SLCO5A1: variants seen among roughly 807,000 people sequenced by gnomAD.
SLCO5A1 encodes organic anion transporter polypeptide-related protein 4.
SLCO5A1 carries 39 observed loss-of-function variants against 65.1 expected under a neutral mutation model. The observed-to-expected ratio is 0.60, with a 90% CI of 0.46 to 0.78. SLCO5A1 has a LOEUF of 0.78. SLCO5A1 is among the 30% of genes least tolerant of loss of function. The pLI, the probability that SLCO5A1 is intolerant of heterozygous loss-of-function variation, is 0.00. For missense variants in SLCO5A1, 1,029 were observed against 1,069.4 expected (o/e 0.96, Z 0.53); for synonymous variants, 438 against 415.7 (o/e 1.05, Z -0.65).
chr8:69,726,414 C>T (rs1816076999), intron 5 of SLCO5A1, among the ~76,000 whole-genome samples: 1 of 151,974 alleles, frequency 6.6e-6, no homozygotes, highest in Admixed American at 6.6e-5. Flanking sequence ...ATCTCCTAGC[C>T]TCCTTCAGTT....
chr8:69,765,443 T>G (rs1818021555), intron 2 of SLCO5A1, among the ~76,000 whole-genome samples: 1 of 151,522 alleles, frequency 6.6e-6, no homozygotes, highest in Non-Finnish European at 1.5e-5. Flanking sequence ...CATATATAAT[T>G]CTTGACCTGG....
Position 69,672,594 on chromosome 8 carries a change from T to C in SLCO5A1, c.*275A>G, listed in dbSNP as rs1586665542. The C allele has an allele frequency of 2.3e-6, 1 of 441,752 alleles. No homozygotes were observed. 27.4% of individuals were successfully genotyped at this position (441,752 alleles called of 1,614,324 possible). A position where few individuals can be genotyped will look rare whatever the true frequency, so the allele number is the denominator to read the frequency against. On this transcript the variant is annotated 3_prime_UTR_variant, in exon 10 of 10. Coordinates refer to ENST00000260126, the MANE Select transcript of SLCO5A1 (RefSeq NM_030958.3). The stretch of plus-strand genomic sequence containing the variant: ...TTTGCTAACCGTGTACCTCAGCCTG[T>C]ACCGTAGGGGAGCATGAGCTTTGAA...
chr8:69,760,487 A>T (rs1404641352), intron 3 of SLCO5A1, among the ~76,000 whole-genome samples: 2 of 152,222 alleles, frequency 1.3e-5, no homozygotes, highest in Non-Finnish European at 2.9e-5. Context: ...TTATCATGTA[A>T]TGAAACACAG....
At chr8:69,784,930 G>GAA (rs1217195932) in intron 2 of SLCO5A1, among the ~76,000 whole-genome samples, 38 of 113,874 alleles carry the variant, frequency 3.3e-4, no homozygotes, top group African/African-American at 1.3e-3. Context: ...AAGAAAGAAA[G>GAA]AAAGAAAGAA....
intron 2 of SLCO5A1, among the ~76,000 whole-genome samples, chr8:69,778,351 C>T (rs565736964): frequency 6.6e-6 from 1 of 151,160 alleles, no homozygotes; most frequent in Admixed American, 6.6e-5. Context: ...AAGGAAGGAC[C>T]AGAGATCTAA....
At chr8:69,742,084 T>C (rs535831370) in intron 4 of SLCO5A1, among the ~76,000 whole-genome samples, 1 of 152,282 alleles carries the variant, frequency 6.6e-6, no homozygotes, top group East Asian at 1.9e-4. Context: ...AAACATACAC[T>C]GAAGTATTAG....
At position 69,673,022 on chromosome 8, in the gene SLCO5A1, G is replaced by A; in HGVS notation, c.2394C>T (p.Phe798=). The A allele has an allele frequency of 1.9e-6, 3 of 1,614,190 alleles. No homozygotes were observed. The highest frequency in any genetic ancestry group is 1.7e-6 in the Non-Finnish European group (2 of 1,180,028). The change falls in exon 10 of 10, where the codon TTC becomes TTT. Residue 798 remains phenylalanine (F), a synonymous_variant. Transcript: ENST00000260126. ...CTTCGTGGAATTCTCCCTGGGTGCT[G>A]AAAGCTGGGCAAGATCTAGTCCGGG... ...DNARTRSCPA[F]STQGEFHEET... is the part of the protein sequence containing the mutation.
chr8:69,726,988 T>C (rs956567141), intron 5 of SLCO5A1, among the ~76,000 whole-genome samples: 2 of 152,200 alleles, frequency 1.3e-5, no homozygotes, highest in Non-Finnish European at 2.9e-5. Flanking sequence ...ATAGCTACTT[T>C]CCAGGCACTG....
intron 5 of SLCO5A1, among the ~76,000 whole-genome samples, chr8:69,724,069 G>A (rs949720114): frequency 6.6e-6 from 1 of 152,086 alleles, no homozygotes; most frequent in African/African-American, 2.4e-5. Context: ...CACCATGCCG[G>A]GCCTAGTATG....
intron 2 of SLCO5A1, among the ~76,000 whole-genome samples, chr8:69,827,612 C>A (rs1284466745): frequency 1.3e-5 from 2 of 152,100 alleles, no homozygotes; most frequent in Non-Finnish European, 1.5e-5. Context: ...TGATTTTTTT[C>A]TTTCCTCTGA....
rs1254509727 is a variant in SLCO5A1, at chr8:69,755,457, C to T, written c.1225G>A (p.Val409Ile). 1.2e-6 allele frequency: 2 copies of T among 1,613,962 alleles called. No individual in the cohort carries two copies. The highest frequency in any genetic ancestry group is 1.7e-6 in the Non-Finnish European group (2 of 1,179,980). The change falls in exon 4 of 10, where the codon GTT becomes ATT. Residue 409 changes from valine (V) to isoleucine (I), a missense_variant. Physicochemically the swap from Val to Ile is conservative, Grantham distance 29 (BLOSUM62 3). This residue lies in a region of SLCO5A1 where 647 missense variants were observed against 647.5 expected (regional missense o/e 1.00). Coordinates refer to ENST00000260126, the MANE Select transcript of SLCO5A1 (RefSeq NM_030958.3). ...TCCTTTCCAAATCCCATCGAAGAAA[C>T]TTTTTTGTCCGCTTGTTCACTGTTG... Reference protein sequence around the residue: ...SNNSEQADKKVSSMGFGKDVR... With the variant: ...SNNSEQADKKISSMGFGKDVR...
intron 2 of SLCO5A1, among the ~76,000 whole-genome samples, chr8:69,783,560 G>T (rs188321246): frequency 4.0e-5 from 6 of 151,636 alleles, no homozygotes; most frequent in Admixed American, 3.9e-4. Flanking sequence ...TTCATAAAAG[G>T]ATGATGATGA....
intron 5 of SLCO5A1, among the ~76,000 whole-genome samples, chr8:69,731,388 C>T (rs1269651758): frequency 3.9e-5 from 6 of 152,208 alleles, no homozygotes; most frequent in Non-Finnish European, 8.8e-5. Flanking sequence ...AATGCTGATG[C>T]CATGTAGTAT....
chr8:69,791,141 T>C (rs1225525197), intron 2 of SLCO5A1, among the ~76,000 whole-genome samples: 1 of 152,214 alleles, frequency 6.6e-6, no homozygotes, highest in Non-Finnish European at 1.5e-5. Flanking sequence ...TTCTTGTAAC[T>C]GTCCCTCTGT....
At chr8:69,732,167 A>G (rs1288008329) in intron 5 of SLCO5A1, among the ~76,000 whole-genome samples, 2 of 152,196 alleles carry the variant, frequency 1.3e-5, no homozygotes, top group Non-Finnish European at 2.9e-5. Context: ...CCAAATCCCA[A>G]TTCAGTGGCT....
intron 5 of SLCO5A1, among the ~76,000 whole-genome samples, chr8:69,720,677 C>T (rs941117366): frequency 6.6e-6 from 1 of 152,172 alleles, no homozygotes; most frequent in African/African-American, 2.4e-5. Flanking sequence ...ATATTACTAC[C>T]TCATGAAATA....
At chr8:69,824,577 G>A (rs1253157198) in intron 2 of SLCO5A1, among the ~76,000 whole-genome samples, 2 of 152,152 alleles carry the variant, frequency 1.3e-5, no homozygotes, top group Non-Finnish European at 2.9e-5. Context: ...ACTAAACCAG[G>A]AAGAAGTTGA....
intron 2 of SLCO5A1, among the ~76,000 whole-genome samples, chr8:69,798,396 T>G (rs1049051051): frequency 6.0e-4 from 92 of 152,270 alleles, no homozygotes; most frequent in African/African-American, 2.1e-3. Flanking sequence ...AGAGGAAGTA[T>G]GAAGGCTTCT....
At chr8:69,749,476 G>T (rs1485881449) in intron 4 of SLCO5A1, among the ~76,000 whole-genome samples, 5 of 152,122 alleles carry the variant, frequency 3.3e-5, no homozygotes, top group African/African-American at 4.8e-5. Flanking sequence ...AAATTAGCCA[G>T]GTGTGGGGGT....
Sources: allele counts gnomAD v4.1 joint callset (sites outside exome capture counted in the v4.1 genomes callset), GRCh38; gene constraint gnomAD v4.1.1; regional missense constraint gnomAD v4.1.1; transcripts MANE v1.5; gene names NCBI Gene and HGNC (gene_info 2026-07-23, HGNC 2026-07-21).